Variants in CLRN1 observed in about 807,000 individuals in gnomAD.
The protein encoded by CLRN1 is clarin-1.
In CLRN1, 15 loss-of-function variants were observed where a neutral mutation model predicts 18.7. The observed-to-expected ratio is 0.80, with a 90% CI of 0.54 to 1.23. The LOEUF (loss-of-function observed/expected upper bound fraction) is 1.23, where lower values mean the gene tolerates loss of function less well. CLRN1 is among the 50% of genes most tolerant of loss of function. CLRN1 has a pLI of 0.00. For missense variants in CLRN1, 311 were observed against 277.5 expected, an observed-to-expected ratio of 1.12 and a Z score of -0.86; for synonymous variants, 104 against 102.9, an observed-to-expected ratio of 1.01 and a Z score of -0.07.
chr3:150,942,243 T>C (rs1288386419), intron 1 of CLRN1, among the ~76,000 whole-genome samples: 1 of 152,214 alleles, frequency 6.6e-6, no homozygotes, highest in African/African-American at 2.4e-5. Context: ...GATTAAAGAA[T>C]GGAGATATTT....
At chr3:150,971,497 C>T (rs1715532325) in intron 1 of CLRN1, among the ~76,000 whole-genome samples, 1 of 151,946 alleles carries the variant, frequency 6.6e-6, no homozygotes, top group African/African-American at 2.4e-5. Flanking sequence ...TTAATTTAGC[C>T]TTCTACCTAT....
At chr3:150,967,495 C>T (rs1715319651) in intron 1 of CLRN1, among the ~76,000 whole-genome samples, 1 of 151,984 alleles carries the variant, frequency 6.6e-6, no homozygotes, top group South Asian at 2.1e-4. Context: ...GCAGAAGAGC[C>T]CATGCTTGCT....
intron 1 of CLRN1, among the ~76,000 whole-genome samples, chr3:150,947,201 G>A (rs1714220565): frequency 6.6e-6 from 1 of 151,846 alleles, no homozygotes; most frequent in African/African-American, 2.4e-5. Flanking sequence ...CAAAATAAAG[G>A]GATGGAGGAA....
intron 2 of CLRN1, among the ~76,000 whole-genome samples, chr3:150,935,671 G>A: frequency 6.6e-6 from 1 of 151,414 alleles, no homozygotes; most frequent in South Asian, 2.1e-4. Context: ...GTAATGGGAT[G>A]GCTGGGTCAA....
chr3:150,967,485 G>A (rs1715319069), intron 1 of CLRN1, among the ~76,000 whole-genome samples: 1 of 152,034 alleles, frequency 6.6e-6, no homozygotes, highest in Non-Finnish European at 1.5e-5. Flanking sequence ...AAGCTAAAAG[G>A]CAGAAGAGCC....
In CLRN1 at chr3:150,953,287, C is replaced by T. The variant is rs138962736; in HGVS notation, c.254-11526G>A. 1.6e-3 allele frequency among the ~76,000 whole-genome samples: 238 copies of T among 152,188 alleles called. 1 individual carries two copies. Among genetic ancestry groups the T allele is most frequent in the African/African-American group, 5.5e-3 (230 of 41,534 alleles). ...GGAGTTATTTATTACAACACACAGC[C>T]GATGCCACGTTAGTAACATAACTTT... On this transcript the variant is annotated intron_variant, in intron 1 of 2. Transcript: ENST00000327047.
chr3:150,966,342 G>A (rs140451308), intron 1 of CLRN1, among the ~76,000 whole-genome samples: 38 of 152,280 alleles, frequency 2.5e-4, no homozygotes, highest in Non-Finnish European at 4.4e-4. Flanking sequence ...TACTCTTGGA[G>A]TGTTAAACAT....
At chr3:150,946,653 A>T (rs781711444) in intron 1 of CLRN1, among the ~76,000 whole-genome samples, 1 of 151,796 alleles carries the variant, frequency 6.6e-6, no homozygotes, top group Non-Finnish European at 1.5e-5. Context: ...AATAAAATGT[A>T]ATGTATGGCT....
chr3:150,945,562 A>G, intron 1 of CLRN1: 1 of 1,286,984 alleles, frequency 7.8e-7, no homozygotes, highest in African/African-American at 1.5e-5. Flanking sequence ...AATAGGGAGC[A>G]TCCTCTTCGT....
chr3:150,959,030 C>T (rs148223886), intron 1 of CLRN1, among the ~76,000 whole-genome samples: 1 of 152,212 alleles, frequency 6.6e-6, no homozygotes, highest in East Asian at 1.9e-4. Flanking sequence ...AGAAACACAT[C>T]TTTTTTGTTT....
rs1057517224 is a variant in CLRN1 at position 150,972,696 on chromosome 3, G to T, written c.13C>A (p.Gln5Lys). MPSQQKKIIFCMAGV... is the reference protein window; with the variant it reads MPSQKKKIIFCMAGV... ...GCCATGCAAAAAATGATTTTCTTCT[G>T]TTGGCTTGGCATGATGAGAAACGGC... The change falls in exon 1 of 3, where the codon CAG becomes AAG. Residue 5 changes from glutamine (Q) to lysine (K), a missense_variant. Coordinates refer to ENST00000327047, the MANE Select transcript of CLRN1 (RefSeq NM_174878.3). 6.2e-7 allele frequency: 1 copy of T among 1,614,216 alleles called. No individual in the cohort carries two copies.
At chr3:150,957,092 TC>T (rs1231142524) in intron 1 of CLRN1, among the ~76,000 whole-genome samples, 3 of 152,264 alleles carry the variant, frequency 2.0e-5, no homozygotes, top group African/African-American at 7.2e-5. Flanking sequence ...GGCTGGCCCT[TC>T]TCCCTGTGCT....
intron 1 of CLRN1, among the ~76,000 whole-genome samples, chr3:150,965,495 C>T (rs1329032817): frequency 6.6e-6 from 1 of 152,090 alleles, no homozygotes; most frequent in African/African-American, 2.4e-5. Flanking sequence ...TTCTCAAAGT[C>T]TAATCTTTTG....
chr3:150,948,657 A>G (rs1576636634), intron 1 of CLRN1, among the ~76,000 whole-genome samples: 2 of 151,826 alleles, frequency 1.3e-5, no homozygotes, highest in African/African-American at 4.8e-5. Context: ...AGACTGGACC[A>G]GGAAAAAACC....
chr3:150,972,742 A>G (rs775099166), upstream of CLRN1: 5 of 1,614,174 alleles, frequency 3.1e-6, no homozygotes, highest in South Asian at 4.4e-5. Context: ...GCGAGGTTCA[A>G]AAACAAGACC....
chr3:150,960,564 A>T (rs949915085), intron 1 of CLRN1, among the ~76,000 whole-genome samples: 1 of 152,126 alleles, frequency 6.6e-6, no homozygotes, highest in African/African-American at 2.4e-5. Flanking sequence ...TTAATTACTT[A>T]TTTGAAACCA....
chr3:150,963,479 G>A (rs1273846017), intron 1 of CLRN1, among the ~76,000 whole-genome samples: 7 of 152,098 alleles, frequency 4.6e-5, no homozygotes, highest in Admixed American at 6.6e-5. Flanking sequence ...CATGAAAATG[G>A]CCATACTGCC....
upstream of CLRN1, chr3:150,972,740 CA>C (rs1208214329): frequency 6.2e-7 from 1 of 1,614,016 alleles, no homozygotes; most frequent in Non-Finnish European, 8.5e-7. Flanking sequence ...GGGCGAGGTT[CA>C]AAAACAAGAC....
At chr3:150,946,447 T>A (rs1714174803) in intron 1 of CLRN1, among the ~76,000 whole-genome samples, 1 of 152,130 alleles carries the variant, frequency 6.6e-6, no homozygotes, top group Non-Finnish European at 1.5e-5. Flanking sequence ...AGTGGTAACA[T>A]TGCTTCTGGG....
Sources: gnomAD v4.1 joint callset for allele counts (sites outside exome capture counted in the v4.1 genomes callset) on GRCh38, gnomAD v4.1.1 for gene constraint, MANE v1.5 for transcripts, NCBI Gene and HGNC (gene_info 2026-07-23, HGNC 2026-07-21) for gene names.